Variants in VPS41 observed in about 807,000 individuals in gnomAD.
The protein encoded by VPS41 is vacuolar protein sorting-associated protein 41 homolog.
Under a neutral mutation model 130.9 loss-of-function variants are expected in VPS41, and 85 were observed. The ratio of observed to expected loss-of-function variants is 0.65; its 90% CI spans 0.55 to 0.78. The LOEUF (loss-of-function observed/expected upper bound fraction) is 0.78. Ranked by LOEUF, VPS41 falls within the 30% of genes least tolerant of loss-of-function variation. VPS41 has a pLI of 0.00. For missense variants in VPS41, 874 were observed against 1,018.7 expected (o/e 0.86, Z 1.93); for synonymous variants, 335 against 332.9 (o/e 1.01, Z -0.07).
chr7:38,897,374 G>A (rs575232810), intron 2 of VPS41, among the ~76,000 whole-genome samples: 29 of 151,342 alleles, frequency 1.9e-4, no homozygotes, highest in African/African-American at 6.1e-4. Context: ...GGCCGGGCGC[G>A]GTGGCTCACG....
In VPS41 at chr7:38,774,580, A is replaced by G. The variant is rs543547325; in HGVS notation, c.883-336T>C. Among the ~76,000 whole-genome samples the G allele has an allele frequency of 3.9e-4, 59 of 152,316 alleles. No homozygotes were observed. The Middle Eastern group carries it at 0.01, about 26-fold the overall frequency. The stretch of plus-strand genomic sequence containing the variant: ...AAATGGAGAAAACTGAAATATATTT[A>G]AAAATTGACCACTGTAACAATAAAA... On this transcript the variant is annotated intron_variant, in intron 11 of 28. Transcript: ENST00000310301.
chr7:38,729,926 T>C (rs1441598417), intron 25 of VPS41, among the ~76,000 whole-genome samples: 1 of 152,140 alleles, frequency 6.6e-6, no homozygotes, highest in African/African-American at 2.4e-5. Context: ...TTTATTATTA[T>C]TATTTTTTTT....
intron 7 of VPS41, among the ~76,000 whole-genome samples, chr7:38,804,265 A>G (rs1790529198): frequency 1.3e-5 from 2 of 152,068 alleles, no homozygotes; most frequent in African/African-American, 4.8e-5. Context: ...TGTTGTACAG[A>G]TTATTTTGTC....
At chr7:38,739,676 C>G (rs1795844702) in intron 25 of VPS41, among the ~76,000 whole-genome samples, 1 of 152,186 alleles carries the variant, frequency 6.6e-6, no homozygotes, top group South Asian at 2.1e-4. Flanking sequence ...AGTGGGGACT[C>G]CAGATGCAGC....
rs1465195482 is a variant in VPS41 at position 38,723,122 on chromosome 7, T to G, written c.*3124A>C. On this transcript the variant is annotated 3_prime_UTR_variant, in exon 29 of 29. Coordinates refer to ENST00000310301, the MANE Select transcript of VPS41 (RefSeq NM_014396.4). ...TCATAAGTGTTTCATCTCTGTCGTC[T>G]TCATACTGAGTAGGCTGAGAAGGAG... The G allele has an allele frequency of 6.6e-6, 1 of 152,202 alleles. No homozygotes were observed. Among genetic ancestry groups the G allele is most frequent in the Non-Finnish European group, 1.5e-5 (1 of 68,040 alleles). 9.4% of individuals were successfully genotyped at this position (152,202 alleles called of 1,614,324 possible). A position where few individuals can be genotyped will look rare whatever the true frequency, so the allele number is the denominator to read the frequency against.
chr7:38,771,624 G>T (rs1251219258), intron 13 of VPS41, among the ~76,000 whole-genome samples: 3 of 152,106 alleles, frequency 2.0e-5, no homozygotes, highest in Non-Finnish European at 4.4e-5. Flanking sequence ...CTGTCTTCTA[G>T]ATCTTTATGA....
At chr7:38,890,717 G>C (rs1159495937) in intron 2 of VPS41, among the ~76,000 whole-genome samples, 1 of 150,826 alleles carries the variant, frequency 6.6e-6, no homozygotes, top group Non-Finnish European at 1.5e-5. Context: ...ATAGGGTCTT[G>C]CTCTGCTGTC....
intron 11 of VPS41, among the ~76,000 whole-genome samples, chr7:38,774,745 C>T (rs1386199547): frequency 6.6e-6 from 1 of 152,130 alleles, no homozygotes; most frequent in African/African-American, 2.4e-5. Flanking sequence ...TACTTTCGTT[C>T]CCTGGCCAAA....
At chr7:38,801,172 C>T (rs147625004) in intron 7 of VPS41, among the ~76,000 whole-genome samples, 10 of 152,272 alleles carry the variant, frequency 6.6e-5, no homozygotes, top group African/African-American at 2.2e-4. Context: ...GAAGGACAGA[C>T]GAATTCTGAA....
At chr7:38,877,859 T>C (rs1014616131) in intron 2 of VPS41, among the ~76,000 whole-genome samples, 12 of 152,212 alleles carry the variant, frequency 7.9e-5, no homozygotes, top group African/African-American at 1.2e-4. Flanking sequence ...AGATGATTTC[T>C]AGCTCTCCCA....
chr7:38,747,324 G>T (rs1796006797), intron 22 of VPS41, among the ~76,000 whole-genome samples: 1 of 152,158 alleles, frequency 6.6e-6, no homozygotes, highest in Non-Finnish European at 1.5e-5. Flanking sequence ...GCCTAGATTT[G>T]TTCTGGGTGT....
chr7:38,858,787 G>C (rs531658011), intron 4 of VPS41, among the ~76,000 whole-genome samples: 1 of 152,086 alleles, frequency 6.6e-6, no homozygotes, highest in Non-Finnish European at 1.5e-5. Flanking sequence ...TACATAATAC[G>C]TGATAATGAC....
chr7:38,752,209 A>G lies in VPS41; in HGVS notation c.1893T>C (p.Phe631=). Residue 631 remains phenylalanine, a synonymous_variant, in exon 22 of 29, where the codon TTT becomes TTC. Transcript: ENST00000310301. ...GTGGGCAATGGGTACTGTCTCGGAG[A>G]AAGGGAAGTAAGTTTGGTCGATCAT... The part of the protein sequence containing the change: ...AEYDRPNLLP[F]LRDSTHCPLE... 6.2e-7 allele frequency: 1 copy of G among 1,613,952 alleles called. No homozygotes were observed. Among genetic ancestry groups the G allele is most frequent in the Non-Finnish European group, 8.5e-7 (1 of 1,179,876 alleles).
chr7:38,828,261 A>G (rs943141657), intron 5 of VPS41, among the ~76,000 whole-genome samples: 1 of 151,788 alleles, frequency 6.6e-6, no homozygotes, highest in African/African-American at 2.4e-5. Context: ...ACACACACGC[A>G]CACATACGAT....
chr7:38,814,577 C>G (rs1268145106), intron 7 of VPS41, among the ~76,000 whole-genome samples: 1 of 151,932 alleles, frequency 6.6e-6, no homozygotes, highest in Non-Finnish European at 1.5e-5. Flanking sequence ...GTGAACCCGG[C>G]AGGCAGAGCT....
chr7:38,827,665 G>A (rs1055908430), intron 5 of VPS41, among the ~76,000 whole-genome samples: 2 of 152,158 alleles, frequency 1.3e-5, no homozygotes, highest in African/African-American at 2.4e-5. Context: ...CACACACCAA[G>A]TGGGAATGCC....
intron 10 of VPS41, among the ~76,000 whole-genome samples, chr7:38,789,212 G>C (rs1784491593): frequency 6.6e-6 from 1 of 152,110 alleles, no homozygotes; most frequent in Non-Finnish European, 1.5e-5. Flanking sequence ...AACAGACCCT[G>C]TGTGTGCTCA....
chr7:38,895,478 T>C (rs1786964523), intron 2 of VPS41, among the ~76,000 whole-genome samples: 1 of 151,936 alleles, frequency 6.6e-6, no homozygotes, highest in Non-Finnish European at 1.5e-5. Context: ...TTTCTTCCTA[T>C]AGTAGCTTTT....
rs1302567240 is a variant in VPS41, at chr7:38,779,959, TTC to T, written c.785-3185_785-3184del. ...TTACTTTCACTAAAATTCTATTCTATTCCACGTAAAAATGACTCTATTAATTT... is the reference window on the plus strand; with the variant it reads ...TTACTTTCACTAAAATTCTATTCTATCACGTAAAAATGACTCTATTAATTT... On this transcript the variant is annotated intron_variant, in intron 10 of 28. Transcript: ENST00000310301. 6.6e-5 allele frequency among the ~76,000 whole-genome samples: 10 copies of T among 152,316 alleles called. No homozygotes were observed. In the South Asian group the frequency reaches 1.7e-3, roughly 25 times the overall value.
Sources: gnomAD v4.1 joint callset for allele counts (sites outside exome capture counted in the v4.1 genomes callset) on GRCh38, gnomAD v4.1.1 for gene constraint, MANE v1.5 for transcripts, NCBI Gene and HGNC (gene_info 2026-07-23, HGNC 2026-07-21) for gene names.